The following PATJ variants were observed in gnomAD, a reference collection of about 807,000 sequenced individuals.
The protein encoded by PATJ is PATJ crumbs cell polarity complex component, also known as inaD-like protein.
A neutral mutation model predicts 224.9 loss-of-function variants in PATJ; 190 were observed. That is an observed-to-expected ratio of 0.84 (90% CI 0.75 to 0.95). The LOEUF is 0.95. PATJ is among the 40% of genes least tolerant of loss of function. The pLI, the probability that PATJ is intolerant of heterozygous loss-of-function variation, is 0.00. For missense variants in PATJ, 2,121 were observed against 2,270.3 expected, an observed-to-expected ratio of 0.93 and a Z score of 1.34; for synonymous variants, 769 against 820.3, an observed-to-expected ratio of 0.94 and a Z score of 1.07.
chr1:62,129,955 A>T (rs561913819), intron 41 of PATJ, among the ~76,000 whole-genome samples: 1 of 152,250 alleles, frequency 6.6e-6, no homozygotes, highest in Non-Finnish European at 1.5e-5. Flanking sequence ...AATAAAATAA[A>T]TTAGTTTATA....
At chr1:61,756,314 G>A (rs1287830527) in intron 1 of PATJ, among the ~76,000 whole-genome samples, 1 of 151,986 alleles carries the variant, frequency 6.6e-6, no homozygotes, top group East Asian at 1.9e-4. Flanking sequence ...AGAAAGTCAC[G>A]CACTTTTGCA....
intron 27 of PATJ, among the ~76,000 whole-genome samples, chr1:61,949,406 G>C (rs142479580): frequency 1.8e-3 from 264 of 150,708 alleles, no homozygotes; most frequent in African/African-American, 6.3e-3. Flanking sequence ...TGTGATGGTT[G>C]CACAACTCCA....
chr1:61,822,879 G>A, intron 14 of PATJ, 66 bp from the exon 15 acceptor site: 1 of 1,592,186 alleles, frequency 6.3e-7, no homozygotes, highest in Non-Finnish European at 8.6e-7. Context: ...AAATAGCACT[G>A]GATGGAGGAT....
At chr1:61,950,258 T>G (rs1557929361) in intron 27 of PATJ, among the ~76,000 whole-genome samples, 1 of 152,202 alleles carries the variant, frequency 6.6e-6, no homozygotes. Context: ...ACGTATTTTT[T>G]TGACAGTGAT....
chr1:61,833,497 C>T, intron 16 of PATJ, 157 bp from the exon 17 acceptor site: 1 of 604,908 alleles, frequency 1.7e-6, no homozygotes, highest in East Asian at 3.2e-5. Context: ...TGTGTGTGCC[C>T]CAGAGCATGC....
At chr1:62,114,759 CT>C (rs1376148718) in intron 35 of PATJ, 1 of 158,286 alleles carries the variant, frequency 6.3e-6, no homozygotes, top group Non-Finnish European at 1.4e-5. Flanking sequence ...AAATGTCCTG[CT>C]GGGCACAGTG....
chr1:62,017,945 C>CAA lies in PATJ; in HGVS notation c.3958_3959insAA (p.Arg1320LysfsTer62), dbSNP rs1456455347. The CAA allele has an allele frequency of 1.3e-6, 2 of 1,593,336 alleles. No homozygotes were observed. The highest frequency in any genetic ancestry group is 2.7e-5 in the African/African-American group (2 of 74,648). ...CATCAAAGGTCAAGCTGGTTTTCATCAGGTAAGATTGCTAGATCTGGTTTT... is the reference window on the plus strand; with the variant it reads ...CATCAAAGGTCAAGCTGGTTTTCATCAAAGGTAAGATTGCTAGATCTGGTTTT... On this transcript the variant is annotated frameshift_variant and splice_region_variant, in exon 29 of 44. Transcript: ENST00000642238. LOFTEE classifies it high-confidence loss of function.
intron 14 of PATJ, among the ~76,000 whole-genome samples, chr1:61,820,985 A>G (rs1185513625): frequency 1.3e-5 from 2 of 152,136 alleles, no homozygotes; most frequent in African/African-American, 2.4e-5. Context: ...CAGGAGAATG[A>G]AGTGGCAGCA....
In PATJ at chr1:61,912,534, G is replaced by A. The variant is rs548100630; in HGVS notation, c.3493-2053G>A. Among the ~76,000 whole-genome samples, 369 of 151,790 alleles carry A rather than the reference G, an allele frequency of 2.4e-3. 2 individuals carry two copies. Among genetic ancestry groups the A allele is most frequent in the African/African-American group, 8.6e-3 (354 of 41,352 alleles). On this transcript the variant is annotated intron_variant, in intron 25 of 43. Coordinates refer to ENST00000642238, the MANE Select transcript of PATJ (RefSeq NM_001350145.3). ...TTGAACCTGGGAGACACAGGTTGCAGTGAGCCAAGACTGCACTGCAGTGGC... is the reference window on the plus strand; with the variant it reads ...TTGAACCTGGGAGACACAGGTTGCAATGAGCCAAGACTGCACTGCAGTGGC...
intron 14 of PATJ, among the ~76,000 whole-genome samples, chr1:61,813,334 C>CATATATATATATAT (rs747640923): frequency 4.8e-5 from 3 of 63,062 alleles, no homozygotes; most frequent in African/African-American, 1.1e-4. Context: ...ATGGAATGTA[C>CATATATATATATAT]ATATATATAT....
intron 5 of PATJ, among the ~76,000 whole-genome samples, chr1:61,770,400 GA>G (rs960911977): frequency 1.3e-5 from 2 of 152,100 alleles, no homozygotes; most frequent in Admixed American, 1.3e-4. Context: ...TTCAGAATCT[GA>G]CTCCTGATAA....
At chr1:62,085,408 AAT>A (rs1373630267) in intron 33 of PATJ, among the ~76,000 whole-genome samples, 1 of 152,062 alleles carries the variant, frequency 6.6e-6, no homozygotes, top group East Asian at 1.9e-4. Context: ...TAGGATGTTG[AAT>A]ATTTTTATAA....
chr1:61,892,555 T>A (rs1190974131), intron 22 of PATJ, among the ~76,000 whole-genome samples: 1 of 152,172 alleles, frequency 6.6e-6, no homozygotes. Context: ...GATAAAGGCC[T>A]GAAATAAAAC....
At position 62,070,175 on chromosome 1, in the gene PATJ, C is replaced by T. The variant is rs571483595; in HGVS notation, c.4126-9275C>T. Among the ~76,000 whole-genome samples, 12 of 152,306 alleles carry T rather than the reference C, an allele frequency of 7.9e-5. No homozygotes were observed. In the South Asian group the frequency reaches 2.5e-3, roughly 32 times the overall value. On this transcript the variant is annotated intron_variant, in intron 31 of 43. Coordinates refer to ENST00000642238, the MANE Select transcript of PATJ (RefSeq NM_001350145.3). ...TATCATTTTCAAACAGAGGCACTTA[C>T]TTTTGCTCCTCCTAAGGCCATTTGA...
At chr1:61,908,556 G>C in intron 25 of PATJ, 74 bp downstream of exon 25, 1 of 865,546 alleles carries the variant, frequency 1.2e-6, no homozygotes, top group Non-Finnish European at 1.9e-6. Context: ...TGGCCTCTAA[G>C]TATTTTCCAC....
At chr1:61,869,758 G>A (rs535106247) in intron 20 of PATJ, among the ~76,000 whole-genome samples, 2 of 152,330 alleles carry the variant, frequency 1.3e-5, no homozygotes, top group African/African-American at 4.8e-5. Context: ...ATGCCTGCTG[G>A]AACCATCTGA....
rs1345669174 is a variant in PATJ, at chr1:62,084,655, T to A, written c.4377+7T>A. On this transcript the variant is annotated splice_region_variant and intron_variant, in intron 33 of 43. Transcript: ENST00000642238. ...AGGAAAAGACACACCCTTGGTAAGT[T>A]TCTAGAAATAAAATGTATCCACTGT... 1 of 1,611,646 alleles carries A rather than the reference T, an allele frequency of 6.2e-7. No homozygotes were observed. Among genetic ancestry groups the A allele is most frequent in the Non-Finnish European group, 8.5e-7 (1 of 1,179,164 alleles).
At position 61,777,703 on chromosome 1, in the gene PATJ, C is replaced by CTTTTTTT. The variant is rs66470863; in HGVS notation, c.849+2387_849+2393dup. 7.0e-4 allele frequency among the ~76,000 whole-genome samples: 34 copies of CTTTTTTT among 48,732 alleles called. 1 individual carries two copies. The highest frequency in any genetic ancestry group is 1.0e-3 in the South Asian group (1 of 982). 32.0% of individuals were successfully genotyped at this position (48,732 alleles called of 152,430 possible). The stretch of plus-strand genomic sequence containing the variant: ...TTCTTCCTTTTTTCTTTCTTTCTTT[C>CTTTTTTT]TTTTTTTTTTTTTTTTTTTTTTTTA... On this transcript the variant is annotated intron_variant, in intron 7 of 43. Transcript: ENST00000642238.
intron 20 of PATJ, 94 bp from the exon 21 acceptor site, chr1:61,875,149 T>C (rs951020193): frequency 4.1e-6 from 3 of 738,780 alleles, no homozygotes; most frequent in African/African-American, 3.6e-5. Flanking sequence ...CAAGGCCAGT[T>C]TTCCACTATC....
Sources: allele counts gnomAD v4.1 joint callset (sites outside exome capture counted in the v4.1 genomes callset), GRCh38; gene constraint gnomAD v4.1.1; transcripts MANE v1.5; gene names NCBI Gene and HGNC (gene_info 2026-07-23, HGNC 2026-07-21).